PCM1: variants seen among roughly 807,000 people sequenced by gnomAD.
PCM1 encodes pericentriolar material 1.
A neutral mutation model predicts 241.9 loss-of-function variants in PCM1; 157 were observed. The observed-to-expected ratio is 0.65, with a 90% CI of 0.57 to 0.74. The LOEUF (loss-of-function observed/expected upper bound fraction) is 0.74. PCM1 is among the 30% of genes least tolerant of loss of function. PCM1 has a pLI of 0.00. For synonymous variants in PCM1, 1,085 were observed against 784.9 expected (o/e 1.38, Z -6.39); for missense variants, 3,478 against 2,360.1 (o/e 1.47, Z -9.81).
intron 2 of PCM1, 22 bp from the exon 3 acceptor site, chr8:17,935,567 C>A (rs1420495282): frequency 2.4e-6 from 2 of 820,944 alleles, no homozygotes; most frequent in East Asian, 2.5e-5. Context: ...TTATAAAGCT[C>A]AGTTCTTAAC....
At chr8:17,999,675 T>C (rs1442450186) in intron 29 of PCM1, among the ~76,000 whole-genome samples, 14 of 152,180 alleles carry the variant, frequency 9.2e-5, no homozygotes, top group Non-Finnish European at 1.5e-5. Context: ...ACCCTCAGTG[T>C]CCCTTTCAGC....
intron 28 of PCM1, among the ~76,000 whole-genome samples, chr8:17,992,090 ATCTG>A (rs2084862725): frequency 1.3e-5 from 2 of 151,852 alleles, no homozygotes; most frequent in Middle Eastern, 3.4e-3. Context: ...AAACAAATAT[ATCTG>A]TCTATCTACA....
In PCM1 at chr8:18,014,022, A is replaced by C. The variant is rs776674225; in HGVS notation, c.5570A>C (p.Glu1857Ala). The C allele has an allele frequency of 5.1e-5, 82 of 1,594,036 alleles. No individual in the cohort carries two copies. Among genetic ancestry groups the C allele is most frequent in the Non-Finnish European group, 7.0e-5 (82 of 1,166,680 alleles). Residue 1857 changes from glutamate to alanine, a missense_variant, in exon 35 of 39, where the codon GAA (glutamate) becomes GCA (alanine). Transcript: ENST00000325083. Reference sequence around the variant, plus strand: ...AGCAAAAATGTCCCATTGGAACGAGAAGCCACTAGTAAAAGTAAGAAATCT... The same window carrying C: ...AGCAAAAATGTCCCATTGGAACGAGCAGCCACTAGTAAAAGTAAGAAATCT... ...AESKNVPLER[E>A]ATSKNDQNNC...
Position 17,946,832 on chromosome 8 carries a change from A to AGTGTGTGTGT in PCM1, c.784-323_784-314dup, listed in dbSNP as rs368892136. ...TTTTCTGTAGGGGCCTAGATTCTTC[A>AGTGTGTGTGT]GTGTGTGTGTGTGTGTGTGTGTGTG... On this transcript the variant is annotated intron_variant, in intron 6 of 38. Transcript: ENST00000325083. Among the ~76,000 whole-genome samples the AGTGTGTGTGT allele has an allele frequency of 5.7e-3, 787 of 138,350 alleles. 4 individuals carry two copies. Among genetic ancestry groups the AGTGTGTGTGT allele is most frequent in the African/African-American group, 0.017 (625 of 37,660 alleles). The allele number at this position is 138,350 out of a possible 152,430, so 90.8% of individuals were successfully genotyped here.
chr8:17,967,798 C>A (rs181177119), intron 21 of PCM1, among the ~76,000 whole-genome samples: 1 of 152,104 alleles, frequency 6.6e-6, no homozygotes, highest in Non-Finnish European at 1.5e-5. Flanking sequence ...TAAAGGAGTA[C>A]CATGTCTTGT....
At position 17,959,960 on chromosome 8, in the gene PCM1, T is replaced by A; in HGVS notation, c.2041-54T>A. ...CTAGTGGTATTTACTAAGGTATGAA[T>A]TGGATAATGTCTTGAGGTATCAAGA... On this transcript the variant is annotated intron_variant, in intron 13 of 38. Transcript: ENST00000325083. The A allele has an allele frequency of 3.9e-6, 6 of 1,534,190 alleles. No individual in the cohort carries two copies. The South Asian group carries it at 7.2e-5, about 18-fold the overall frequency.
chr8:17,960,357 G>C lies in PCM1; in HGVS notation c.2235G>C (p.Glu745Asp). The C allele has an allele frequency of 6.2e-7, 1 of 1,601,898 alleles. No individual in the cohort carries two copies. The highest frequency in any genetic ancestry group is 8.5e-7 in the Non-Finnish European group (1 of 1,176,600). The change falls in exon 15 of 39, where the codon GAG becomes GAC. Residue 745 changes from glutamate (E) to aspartate (D), a missense_variant. Glu to Asp is a conservative substitution (Grantham distance 45). Transcript: ENST00000325083. ...YEAKLQQQQRELKQLQEERKK... is the reference protein window; with the variant it reads ...YEAKLQQQQRDLKQLQEERKK... ...CTAAACTACAGCAGCAACAGAGAGA[G>C]CTAAAACAATTGCAGGAAGAAAGAA...
chr8:17,934,648 A>G (rs1473341928), intron 2 of PCM1: 1 of 152,160 alleles, frequency 6.6e-6, no homozygotes, highest in Non-Finnish European at 1.5e-5. Context: ...GTGTAGTTTA[A>G]TGACTTTTCA....
chr8:17,973,592 C>G (rs2077599602), intron 23 of PCM1, among the ~76,000 whole-genome samples: 1 of 151,918 alleles, frequency 6.6e-6, no homozygotes, highest in African/African-American at 2.4e-5. Context: ...GGTGGGCGTG[C>G]CTGTAATCCA....
intron 21 of PCM1, among the ~76,000 whole-genome samples, chr8:17,968,730 A>ATGTATGTGTGTG (rs1554688506): frequency 2.2e-5 from 3 of 134,672 alleles, no homozygotes; most frequent in African/African-American, 8.8e-5. Context: ...GGATGTATAT[A>ATGTATGTGTGTG]TGTGTGTGTG....
At position 17,972,343 on chromosome 8, in the gene PCM1, C is replaced by A; in HGVS notation, c.3599C>A (p.Pro1200His). The part of the protein sequence containing the change: ...GAEKPRNKKL[P>H]EEEVESSRTP... Reference sequence around the variant, plus strand: ...TCATTGGTAAGGAATAAAAAACTGCCTGAAGAGGAGGTGGAAAGCAGTAGG... The same window carrying A: ...TCATTGGTAAGGAATAAAAAACTGCATGAAGAGGAGGTGGAAAGCAGTAGG... The change falls in exon 23 of 39, where the codon CCT (proline) becomes CAT (histidine). Residue 1200 changes from proline to histidine, a missense_variant. Coordinates refer to ENST00000325083, the MANE Select transcript of PCM1 (RefSeq NM_006197.4). 6.7e-7 allele frequency: 1 copy of A among 1,499,742 alleles called. No individual in the cohort carries two copies. Among genetic ancestry groups the A allele is most frequent in the Non-Finnish European group, 8.9e-7 (1 of 1,124,438 alleles). 92.9% of individuals were successfully genotyped at this position (1,499,742 alleles called of 1,614,324 possible).
At chr8:17,980,803 G>A (rs2080455631) in intron 24 of PCM1, 48 bp downstream of exon 24, 1 of 1,416,878 alleles carries the variant, frequency 7.1e-7, no homozygotes, top group South Asian at 1.3e-5. Flanking sequence ...TTTCAGCTTA[G>A]ATTTGAAAAG....
intron 9 of PCM1, among the ~76,000 whole-genome samples, chr8:17,955,191 C>T (rs2067696927): frequency 6.6e-6 from 1 of 152,034 alleles, no homozygotes; most frequent in Non-Finnish European, 1.5e-5. Context: ...TATCATTATT[C>T]TTGTCAATTT....
Position 17,962,129 on chromosome 8 carries a change from C to T in PCM1, c.2418C>T (p.Ser806=). 6.2e-7 allele frequency: 1 copy of T among 1,609,764 alleles called. No individual in the cohort carries two copies. The change falls in exon 16 of 39, where the codon AGC becomes AGT. Residue 806 remains serine, a synonymous_variant. Transcript: ENST00000325083. The stretch of plus-strand genomic sequence containing the variant: ...TTAATCAACACGAGACCAGTACAAG[C>T]AAATCTGTTTTTGAGCCTGAAGATT... The part of the protein sequence containing the change: ...PTVNQHETST[S]KSVFEPEDSS...
rs1013869464 is a variant in PCM1 at position 17,976,318 on chromosome 8, C to T, written c.3943+3631C>T. Among the ~76,000 whole-genome samples, 7 of 152,308 alleles carry T rather than the reference C, an allele frequency of 4.6e-5. No homozygotes were observed. The East Asian group carries it at 1.2e-3, about 25-fold the overall frequency. On this transcript the variant is annotated intron_variant, in intron 23 of 38. Coordinates refer to ENST00000325083, the MANE Select transcript of PCM1 (RefSeq NM_006197.4). Reference sequence around the variant, plus strand: ...ATAAAAGGGGCTAGCTAACGATTGTCCCTTGAATGGTGGGACACCCTGTTG... The same window carrying T: ...ATAAAAGGGGCTAGCTAACGATTGTTCCTTGAATGGTGGGACACCCTGTTG...
chr8:18,021,205 C>T (rs2093724618), intron 36 of PCM1, among the ~76,000 whole-genome samples: 1 of 152,152 alleles, frequency 6.6e-6, no homozygotes, highest in South Asian at 2.1e-4. Context: ...GCCAGCTGGT[C>T]CTTCCTGAGT....
intron 36 of PCM1, among the ~76,000 whole-genome samples, chr8:18,017,972 A>G (rs2093382064): frequency 6.6e-6 from 1 of 152,246 alleles, no homozygotes; most frequent in Admixed American, 6.5e-5. Context: ...TGGGGAGGAA[A>G]CTAAGATCAG....
At position 18,014,574 on chromosome 8, in the gene PCM1, T is replaced by C. The variant is rs1197187147; in HGVS notation, c.5585-10T>C. Reference sequence around the variant, plus strand: ...ATTACACTAATGTTAAGACTTTCTTTTGATGACAGATGACCAAAATAACTG... The same window carrying C: ...ATTACACTAATGTTAAGACTTTCTTCTGATGACAGATGACCAAAATAACTG... On this transcript the variant is annotated splice_polypyrimidine_tract_variant and intron_variant, in intron 35 of 38. Transcript: ENST00000325083. The C allele has an allele frequency of 1.3e-6, 2 of 1,589,626 alleles. No homozygotes were observed. Among genetic ancestry groups the C allele is most frequent in the Admixed American group, 1.7e-5 (1 of 57,386 alleles).
chr8:18,006,156 A>C, intron 29 of PCM1, 107 bp from the exon 30 acceptor site: 1 of 845,676 alleles, frequency 1.2e-6, no homozygotes, highest in East Asian at 2.8e-5. Flanking sequence ...ATTGAGGAGC[A>C]TCTACGGCAA....
Sources: gnomAD v4.1 joint callset for allele counts (sites outside exome capture counted in the v4.1 genomes callset) on GRCh38, gnomAD v4.1.1 for gene constraint, MANE v1.5 for transcripts, NCBI Gene and HGNC (gene_info 2026-07-23, HGNC 2026-07-21) for gene names.